DPYSL2: variants seen among roughly 807,000 people sequenced by gnomAD.
DPYSL2 encodes dihydropyrimidinase-related protein 2.
Under a neutral mutation model 69.9 loss-of-function variants are expected in DPYSL2, and 13 were observed. The observed-to-expected ratio is 0.19, with a 90% CI of 0.12 to 0.30. The LOEUF (loss-of-function observed/expected upper bound fraction) is 0.30, where lower values mean the gene tolerates loss of function less well. DPYSL2 is among the 10% of genes least tolerant of loss of function. The pLI, the probability that DPYSL2 is intolerant of heterozygous loss-of-function variation, is 1.00. For synonymous variants in DPYSL2, 326 were observed against 359.1 expected, an observed-to-expected ratio of 0.91 and a Z score of 1.04; for missense variants, 587 against 918.9, an observed-to-expected ratio of 0.64 and a Z score of 4.67.
intron 1 of DPYSL2, among the ~76,000 whole-genome samples, chr8:26,523,923 A>G (rs940099310): frequency 6.6e-6 from 1 of 152,216 alleles, no homozygotes; most frequent in Admixed American, 6.5e-5. Context: ...TTCATTTTTC[A>G]TCAGTGGACA....
chr8:26,565,246 G>A lies in DPYSL2; in HGVS notation c.355-16723G>A, dbSNP rs1801130534. The stretch of plus-strand genomic sequence containing the variant: ...GTGACTTGTGCTGCAATAAACATAG[G>A]AGTGCAGGTGTCTTTTTGATATCAT... On this transcript the variant is annotated intron_variant, in intron 1 of 13. Transcript: ENST00000521913. This position sits in a 1 kb window ranked among gnomAD's most constrained non-coding sequence, Gnocchi z 4.1. Among the ~76,000 whole-genome samples, 1 of 120,300 alleles carries A rather than the reference G, an allele frequency of 8.3e-6. No homozygotes were observed. The highest frequency in any genetic ancestry group is 2.0e-5 in the Non-Finnish European group (1 of 50,640). 78.9% of individuals were successfully genotyped at this position (120,300 alleles called of 152,430 possible).
chr8:26,535,630 T>C (rs1258283881), intron 1 of DPYSL2, among the ~76,000 whole-genome samples: 1 of 149,552 alleles, frequency 6.7e-6, no homozygotes, highest in African/African-American at 2.5e-5. Context: ...TATATATATA[T>C]ATATATTTTT....
rs985716135 is a variant in DPYSL2 at position 26,514,557 on chromosome 8, C to A, written c.232C>A (p.Pro78Thr). ...QRDVAHLGPD[P>T]QPPYSRQGRR... ...GGACGTCGCCCACTTGGGCCCGGAC[C>A]CGCAGCCGCCGTACTCGCGGCAGGG... The change falls in exon 1 of 14, where the codon CCG becomes ACG. Residue 78 changes from proline (P) to threonine (T), a missense_variant. Around this residue, in one of 3 missense-constraint regions of DPYSL2, gnomAD observed 85 missense variants for 77.7 expected, o/e 1.09. Transcript: ENST00000521913. The surrounding 1 kb of genome is among the most constrained non-coding windows in gnomAD (Gnocchi z 8.4). 13 of 1,526,942 alleles carry A rather than the reference C, an allele frequency of 8.5e-6. No homozygotes were observed. In the Admixed American group the frequency reaches 1.0e-4, roughly 12 times the overall value. The allele number at this position is 1,526,942 out of a possible 1,614,324, so 94.6% of individuals were successfully genotyped here. A position where few individuals can be genotyped will look rare whatever the true frequency, so the allele number is the denominator to read the frequency against.
rs1450103828 is a variant in DPYSL2 at position 26,620,342 on chromosome 8, C to T, written c.629-3801C>T. Among the ~76,000 whole-genome samples the T allele has an allele frequency of 2.6e-5, 4 of 152,040 alleles. No homozygotes were observed. The highest frequency in any genetic ancestry group is 4.1e-4 in the South Asian group (2 of 4,828). ...TGCAATCTCAGCTCACTGCAACCTC[C>T]GCCTCCTGGGTTCAAGTGATTCTCC... On this transcript the variant is annotated intron_variant, in intron 3 of 13. Coordinates refer to ENST00000521913, the MANE Select transcript of DPYSL2 (RefSeq NM_001197293.3). This position sits in a 1 kb window ranked among gnomAD's most constrained non-coding sequence, Gnocchi z 4.5.
intron 3 of DPYSL2, among the ~76,000 whole-genome samples, chr8:26,604,858 G>T (rs192240115): frequency 1.3e-5 from 2 of 152,010 alleles, no homozygotes; most frequent in East Asian, 3.9e-4. Flanking sequence ...TAGAGACGGG[G>T]TTTCACCATG....
At position 26,654,722 on chromosome 8, in the gene DPYSL2, G is replaced by A. The variant is rs912495678; in HGVS notation, c.1943-893G>A. The stretch of plus-strand genomic sequence containing the variant: ...GAACAGGGGACAGGACAGAGTCTAA[G>A]ATGTAGTGATATTTTGTATATAGTT... On this transcript the variant is annotated intron_variant, in intron 13 of 13. Coordinates refer to ENST00000521913, the MANE Select transcript of DPYSL2 (RefSeq NM_001197293.3). The surrounding 1 kb of genome is among the most constrained non-coding windows in gnomAD (Gnocchi z 5.0). Among the ~76,000 whole-genome samples the A allele has an allele frequency of 2.0e-5, 3 of 152,230 alleles. No homozygotes were observed. Among genetic ancestry groups the A allele is most frequent in the Admixed American group, 6.5e-5 (1 of 15,286 alleles).
intron 1 of DPYSL2, among the ~76,000 whole-genome samples, chr8:26,545,678 A>G (rs779677288): frequency 3.9e-5 from 6 of 152,172 alleles, no homozygotes; most frequent in Non-Finnish European, 8.8e-5. Context: ...GAGGCAGGAG[A>G]ATCACTTGAA....
chr8:26,542,948 T>C (rs1800709218), intron 1 of DPYSL2, among the ~76,000 whole-genome samples: 1 of 152,132 alleles, frequency 6.6e-6, no homozygotes, highest in African/African-American at 2.4e-5. Flanking sequence ...AATTTAAAAT[T>C]CCAAAGTGAT....
In DPYSL2 at chr8:26,626,073, G is replaced by A. The variant is rs1232555831; in HGVS notation, c.794-544G>A. On this transcript the variant is annotated intron_variant, in intron 4 of 13. Coordinates refer to ENST00000521913, the MANE Select transcript of DPYSL2 (RefSeq NM_001197293.3). This position sits in a 1 kb window ranked among gnomAD's most constrained non-coding sequence, Gnocchi z 4.3. ...TGACTTCTAGGGACCTCATACAAGT[G>A]GAATCATATAGTATTTGTCCTTTTG... Among the ~76,000 whole-genome samples the A allele has an allele frequency of 6.6e-6, 1 of 152,096 alleles. No individual in the cohort carries two copies. Among genetic ancestry groups the A allele is most frequent in the African/African-American group, 2.4e-5 (1 of 41,410 alleles).
chr8:26,547,063 G>A (rs541602594), intron 1 of DPYSL2, among the ~76,000 whole-genome samples: 1 of 150,072 alleles, frequency 6.7e-6, no homozygotes, highest in Non-Finnish European at 1.5e-5. Context: ...CCCATACACA[G>A]AATCAAAGCT....
Position 26,514,871 on chromosome 8 carries a change from C to G in DPYSL2, c.354+192C>G, listed in dbSNP as rs548026508. Among the ~76,000 whole-genome samples, 66 of 152,258 alleles carry G rather than the reference C, an allele frequency of 4.3e-4. No individual in the cohort carries two copies. Among genetic ancestry groups the G allele is most frequent in the African/African-American group, 1.5e-3 (61 of 41,564 alleles). ...AGGCTCGGGCTGGGCGGTGGGCGGC[C>G]GTGCGCCCACAAAGGCTGCCCGCGT... On this transcript the variant is annotated intron_variant, in intron 1 of 13. Coordinates refer to ENST00000521913, the MANE Select transcript of DPYSL2 (RefSeq NM_001197293.3). This position sits in a 1 kb window ranked among gnomAD's most constrained non-coding sequence, Gnocchi z 8.4.
At chr8:26,515,232 C>T (rs936119154) in intron 1 of DPYSL2, among the ~76,000 whole-genome samples, 1 of 152,220 alleles carries the variant, frequency 6.6e-6, no homozygotes, top group Admixed American at 6.5e-5. Context: ...GGACCCCCTC[C>T]GAGCACCGCA....
At chr8:26,523,609 G>A (rs922174531) in intron 1 of DPYSL2, among the ~76,000 whole-genome samples, 2 of 152,010 alleles carry the variant, frequency 1.3e-5, no homozygotes, top group Non-Finnish European at 2.9e-5. Flanking sequence ...TTAGCATAAT[G>A]TCCTCAAAGT....
rs139907218 is a variant in DPYSL2 at position 26,647,522 on chromosome 8, G to A, written c.1426-108G>A. 3.1e-4 allele frequency: 371 copies of A among 1,211,604 alleles called. No individual in the cohort carries two copies. The highest frequency in any genetic ancestry group is 6.8e-4 in the Admixed American group (30 of 44,280). 75.1% of individuals were successfully genotyped at this position (1,211,604 alleles called of 1,614,324 possible). ...GTGTTTCACTTGGCACAACGCTCTT[G>A]ACATCCATCTAAGCTGTCGTGTGTA... On this transcript the variant is annotated intron_variant, in intron 10 of 13. Coordinates refer to ENST00000521913, the MANE Select transcript of DPYSL2 (RefSeq NM_001197293.3). This position sits in a 1 kb window ranked among gnomAD's most constrained non-coding sequence, Gnocchi z 5.1.
rs974925394 is a variant in DPYSL2 at position 26,533,465 on chromosome 8, C to T, written c.354+18786C>T. Among the ~76,000 whole-genome samples the T allele has an allele frequency of 3.2e-4, 48 of 152,128 alleles. No homozygotes were observed. The highest frequency in any genetic ancestry group is 1.2e-3 in the African/African-American group (48 of 41,422). On this transcript the variant is annotated intron_variant, in intron 1 of 13. Coordinates refer to ENST00000521913, the MANE Select transcript of DPYSL2 (RefSeq NM_001197293.3). This position sits in a 1 kb window ranked among gnomAD's most constrained non-coding sequence, Gnocchi z 4.8. ...ATTCCAAGGTCACAAAGACTTACCC[C>T]TGTGTTTTCTCCTGGATGTTTCATA...
chr8:26,627,700 A>G lies in DPYSL2; in HGVS notation c.937-172A>G, dbSNP rs112733251. On this transcript the variant is annotated intron_variant, in intron 6 of 13. Coordinates refer to ENST00000521913, the MANE Select transcript of DPYSL2 (RefSeq NM_001197293.3). This position sits in a 1 kb window ranked among gnomAD's most constrained non-coding sequence, Gnocchi z 6.9. ...AATTGATCCATCCTGCTCAGGCGGG[A>G]CTGGGAACAGGGCAGTGAACCCTTC... 5.4e-4 allele frequency among the ~76,000 whole-genome samples: 82 copies of G among 152,238 alleles called. 1 individual carries two copies. The East Asian group carries it at 0.015, about 28-fold the overall frequency.
At chr8:26,577,125 C>T (rs1419225780) in intron 1 of DPYSL2, 2 of 443,352 alleles carry the variant, frequency 4.5e-6, no homozygotes, top group South Asian at 3.1e-5. Flanking sequence ...GCCTCCTTCC[C>T]GGCTCGGAGT....
At chr8:26,520,665 A>G (rs552963127) in intron 1 of DPYSL2, among the ~76,000 whole-genome samples, 7 of 152,358 alleles carry the variant, frequency 4.6e-5, no homozygotes, top group African/African-American at 1.7e-4. Flanking sequence ...ATTAGAAATT[A>G]GAGCAGTGAG....
chr8:26,608,235 G>A (rs1028580890), intron 3 of DPYSL2, among the ~76,000 whole-genome samples: 4 of 152,046 alleles, frequency 2.6e-5, no homozygotes, highest in Non-Finnish European at 5.9e-5. Flanking sequence ...TGCTACTTTT[G>A]TAAAAAGTGT....
Sources: gnomAD v4.1 joint callset for allele counts (sites outside exome capture counted in the v4.1 genomes callset) on GRCh38, gnomAD v4.1.1 for gene constraint, gnomAD v4.1.1 regional missense constraint, Gnocchi (gnomAD v3.1) non-coding constraint, MANE v1.5 for transcripts, NCBI Gene and HGNC (gene_info 2026-07-23, HGNC 2026-07-21) for gene names.